The following PCDH9 variants were observed in gnomAD, a reference collection of about 807,000 sequenced individuals.
PCDH9 encodes protocadherin 9.
Under a neutral mutation model 70.6 loss-of-function variants are expected in PCDH9, and 24 were observed. The observed-to-expected ratio is 0.34, with a 90% confidence interval of 0.25 to 0.48. The LOEUF (loss-of-function observed/expected upper bound fraction) is 0.48, where lower values mean the gene tolerates loss of function less well. Among genes scored for constraint, PCDH9 ranks in the 20% least tolerant of loss-of-function variants. The pLI, the probability that PCDH9 is intolerant of heterozygous loss-of-function variation, is 0.99. For missense variants in PCDH9, 1,281 were observed against 1,503.6 expected (o/e 0.85, Z 2.45); for synonymous variants, 562 against 558.5 (o/e 1.01, Z -0.09).
intron 2 of PCDH9, among the ~76,000 whole-genome samples, chr13:67,031,929 G>A (rs1594416760): frequency 6.6e-6 from 1 of 152,028 alleles, no homozygotes; most frequent in Non-Finnish European, 1.5e-5. Context: ...CCTCATTGAT[G>A]TAGCAACTTA....
rs1353889166 is a variant in PCDH9 at position 66,631,465 on chromosome 13, G to T, written c.3139-54C>A. On this transcript the variant is annotated intron_variant, in intron 3 of 4. Transcript: ENST00000377865. ...TTAACACTCCTCTCAAATAAAACAG[G>T]CCTAGTGGAACACAAAATCAAAACA... 6 of 1,033,610 alleles carry T rather than the reference G, an allele frequency of 5.8e-6. No homozygotes were observed. The East Asian group carries it at 9.6e-5, about 17-fold the overall frequency. 64.0% of individuals were successfully genotyped at this position (1,033,610 alleles called of 1,614,324 possible). A position where few individuals can be genotyped will look rare whatever the true frequency, so the allele number is the denominator to read the frequency against.
intron 4 of PCDH9, among the ~76,000 whole-genome samples, chr13:66,605,841 C>T (rs1455423036): frequency 6.6e-6 from 1 of 151,952 alleles, no homozygotes; most frequent in African/African-American, 2.4e-5. Context: ...CTTCATACAC[C>T]ATGTGCTAGG....
intron 3 of PCDH9, among the ~76,000 whole-genome samples, chr13:66,750,056 G>C (rs1048229833): frequency 1.3e-5 from 2 of 151,994 alleles, no homozygotes; most frequent in African/African-American, 4.8e-5. Context: ...AGTGAGAAAG[G>C]TTTATTTCAA....
chr13:66,319,653 C>T (rs552358873), intron 4 of PCDH9, among the ~76,000 whole-genome samples: 19 of 152,032 alleles, frequency 1.2e-4, no homozygotes, highest in African/African-American at 4.4e-4. Flanking sequence ...ACCCCTAGGC[C>T]TGAAGGGGCA....
At chr13:66,574,352 T>C (rs1443207813) in intron 4 of PCDH9, among the ~76,000 whole-genome samples, 1 of 152,190 alleles carries the variant, frequency 6.6e-6, no homozygotes, top group Non-Finnish European at 1.5e-5. Context: ...ATGTCTTTAC[T>C]GAACCAGACC....
At chr13:66,693,808 G>C (rs912980165) in intron 3 of PCDH9, among the ~76,000 whole-genome samples, 3 of 152,186 alleles carry the variant, frequency 2.0e-5, no homozygotes, top group Admixed American at 1.3e-4. Flanking sequence ...AAGTGGAAGT[G>C]GTGGTTAGGA....
intron 2 of PCDH9, among the ~76,000 whole-genome samples, chr13:67,150,012 T>C (rs565785148): frequency 7.9e-5 from 12 of 152,282 alleles, no homozygotes; most frequent in African/African-American, 2.6e-4. Flanking sequence ...GCAGTTTATA[T>C]TTTAATAATA....
intron 3 of PCDH9, among the ~76,000 whole-genome samples, chr13:66,716,664 A>G (rs887034503): frequency 6.6e-6 from 1 of 152,176 alleles, no homozygotes; most frequent in Non-Finnish European, 1.5e-5. Flanking sequence ...TGGATGGGCA[A>G]TGTCAATATT....
chr13:67,190,053 G>T (rs1300206014), intron 2 of PCDH9, among the ~76,000 whole-genome samples: 1 of 151,900 alleles, frequency 6.6e-6, no homozygotes, highest in Non-Finnish European at 1.5e-5. Flanking sequence ...AATCTTACTT[G>T]CCAGTCTCAT....
chr13:66,869,983 ATGAAG>A (rs1217254820), intron 3 of PCDH9, among the ~76,000 whole-genome samples: 2 of 152,194 alleles, frequency 1.3e-5, no homozygotes, highest in Non-Finnish European at 2.9e-5. Flanking sequence ...TGTTTTAGAC[ATGAAG>A]TCCTTGCCCA....
intron 2 of PCDH9, among the ~76,000 whole-genome samples, chr13:66,908,899 C>G (rs1373403859): frequency 6.6e-6 from 1 of 151,962 alleles, no homozygotes; most frequent in Non-Finnish European, 1.5e-5. Context: ...AATTTTAAAA[C>G]CAAATGTTAT....
At chr13:66,908,672 T>C (rs561230772) in intron 2 of PCDH9, among the ~76,000 whole-genome samples, 2 of 152,196 alleles carry the variant, frequency 1.3e-5, no homozygotes, top group African/African-American at 2.4e-5. Flanking sequence ...TCATTTAGTA[T>C]CCTGAAATTT....
At chr13:66,497,092 G>T (rs528795331) in intron 4 of PCDH9, among the ~76,000 whole-genome samples, 1 of 151,256 alleles carries the variant, frequency 6.6e-6, no homozygotes, top group Non-Finnish European at 1.5e-5. Flanking sequence ...TTTTTAGACG[G>T]GTCCTTGCTC....
rs370666011 is a variant in PCDH9 at position 67,080,858 on chromosome 13, A to G, written c.3036+144547T>C. 5.1e-4 allele frequency among the ~76,000 whole-genome samples: 78 copies of G among 152,314 alleles called. 1 individual carries two copies. In the South Asian group the frequency reaches 0.016, roughly 30 times the overall value. On this transcript the variant is annotated intron_variant, in intron 2 of 4. Transcript: ENST00000377865. ...TAACCACTTTATGAAGTATACATGT[A>G]TTACCTATGATAACATGTATTGTTA...
chr13:66,310,649 T>C (rs999897246), intron 4 of PCDH9, among the ~76,000 whole-genome samples: 1 of 152,084 alleles, frequency 6.6e-6, no homozygotes, highest in Non-Finnish European at 1.5e-5. Flanking sequence ...TTAGTTTTCA[T>C]ACTGTATGAA....
chr13:66,410,193 T>C (rs1429464115), intron 4 of PCDH9, among the ~76,000 whole-genome samples: 1 of 151,856 alleles, frequency 6.6e-6, no homozygotes, highest in African/African-American at 2.4e-5. Context: ...TCTTTATTCT[T>C]CCTTTTTTTA....
intron 4 of PCDH9, among the ~76,000 whole-genome samples, chr13:66,348,016 A>C (rs936007456): frequency 2.6e-5 from 4 of 152,190 alleles, no homozygotes; most frequent in African/African-American, 9.7e-5. Context: ...TCATTCTTGG[A>C]GAATGGTATC....
At chr13:66,674,531 T>C (rs2078217804) in intron 3 of PCDH9, among the ~76,000 whole-genome samples, 1 of 152,124 alleles carries the variant, frequency 6.6e-6, no homozygotes, top group Non-Finnish European at 1.5e-5. Context: ...TCTGGAATTA[T>C]ATAGCCTACA....
In PCDH9 at chr13:67,227,204, C is replaced by T; in HGVS notation, c.1237G>A (p.Ala413Thr). 1 of 1,613,552 alleles carries T rather than the reference C, an allele frequency of 6.2e-7. No individual in the cohort carries two copies. The highest frequency in any genetic ancestry group is 8.5e-7 in the Non-Finnish European group (1 of 1,179,460). Residue 413 changes from alanine to threonine, a missense_variant, in exon 2 of 5, where the codon GCG (alanine) becomes ACG (threonine). By Grantham distance (58) the Ala-to-Thr change is moderately conservative (BLOSUM62 0). Coordinates refer to ENST00000377865, the MANE Select transcript of PCDH9 (RefSeq NM_203487.3). This position sits in a 1 kb window ranked among gnomAD's most constrained non-coding sequence, Gnocchi z 4.6. ...IEREVPFHLK[A>T]VYDNQYLLET... is the part of the protein sequence containing the mutation. ...AACAAATATTGGTTGTCATATACCG[C>T]CTTCAAATGAAATGGGACCTCTCTT...
Sources: allele counts gnomAD v4.1 joint callset (sites outside exome capture counted in the v4.1 genomes callset), GRCh38; gene constraint gnomAD v4.1.1; non-coding constraint Gnocchi (gnomAD v3.1); transcripts MANE v1.5; gene names NCBI Gene and HGNC (gene_info 2026-07-23, HGNC 2026-07-21).